The following OR11G2 variants were observed in gnomAD, a reference collection of about 807,000 sequenced individuals.
OR11G2 encodes the protein olfactory receptor family 11 subfamily G member 2.
OR11G2 carries 2 observed loss-of-function variants against 0.9 expected under a neutral mutation model. The observed-to-expected ratio is 2.35, with a 90% CI of 0.96 to 7.38. The LOEUF (loss-of-function observed/expected upper bound fraction) is 7.38. Ranked by LOEUF, OR11G2 falls within the 30% of genes most tolerant of loss-of-function variation. The pLI, the probability that OR11G2 is intolerant of heterozygous loss-of-function variation, is 0.05. For missense variants in OR11G2, 395 were observed against 371.3 expected, an observed-to-expected ratio of 1.06 and a Z score of -0.52; for synonymous variants, 153 against 142.0, an observed-to-expected ratio of 1.08 and a Z score of -0.55.
rs189534616 is a variant in OR11G2 at position 20,195,245 on chromosome 14, T to C, written c.-4-2189T>C. ...GTTACAAATGACCTATAGGGTGTTTTAAAAAATTATGTGGCTGGGCGCAGT... is the reference window on the plus strand; with the variant it reads ...GTTACAAATGACCTATAGGGTGTTTCAAAAAATTATGTGGCTGGGCGCAGT... On this transcript the variant is annotated intron_variant, in intron 1 of 1. Coordinates refer to ENST00000641879, the MANE Select transcript of OR11G2 (RefSeq NM_001386033.1). 2.3e-4 allele frequency among the ~76,000 whole-genome samples: 35 copies of C among 152,268 alleles called. No individual in the cohort carries two copies. In the East Asian group the frequency reaches 6.2e-3, roughly 27 times the overall value.
chr14:20,194,333 A>T (rs1338772681), intron 1 of OR11G2, among the ~76,000 whole-genome samples: 1 of 152,170 alleles, frequency 6.6e-6, no homozygotes, highest in Non-Finnish European at 1.5e-5. Context: ...GAGAAAAGAG[A>T]ATAGCTTGAA....
At chr14:20,193,269 G>A (rs535295833) in intron 1 of OR11G2, among the ~76,000 whole-genome samples, 9 of 152,178 alleles carry the variant, frequency 5.9e-5, no homozygotes, top group South Asian at 2.1e-4. Context: ...CAGGTGGTGC[G>A]TGCCTCCAAG....
chr14:20,193,288 AT>A (rs1382195584), intron 1 of OR11G2, among the ~76,000 whole-genome samples: 1 of 152,054 alleles, frequency 6.6e-6, no homozygotes, highest in African/African-American at 2.4e-5. Context: ...AGCCTGGCTA[AT>A]TTGTGTGTTT....
At chr14:20,197,214 A>T (rs1023698660) in intron 1 of OR11G2, 3 of 646,868 alleles carry the variant, frequency 4.6e-6, no homozygotes, top group Non-Finnish European at 7.8e-6. Context: ...GCCTATGGTA[A>T]AAATGTGAAC....
chr14:20,198,427 T>TA lies in OR11G2; in HGVS notation c.*54_*55insA. The stretch of plus-strand genomic sequence containing the variant: ...TTAATCTTGTCTTTAATTTTGGGGT[T>TA]TAAAAAAAAAACTGGTCTTGGCCAG... On this transcript the variant is annotated 3_prime_UTR_variant, in exon 2 of 2. Coordinates refer to ENST00000641879, the MANE Select transcript of OR11G2 (RefSeq NM_001386033.1). 12 of 1,377,314 alleles carry TA rather than the reference T, an allele frequency of 8.7e-6. No homozygotes were observed. The highest frequency in any genetic ancestry group is 2.3e-4 in the Middle Eastern group (1 of 4,418). The allele number at this position is 1,377,314 out of a possible 1,614,324, so 85.3% of individuals were successfully genotyped here. A position where few individuals can be genotyped will look rare whatever the true frequency, so the allele number is the denominator to read the frequency against.
At chr14:20,193,403 C>T (rs1362972643) in intron 1 of OR11G2, among the ~76,000 whole-genome samples, 1 of 152,108 alleles carries the variant, frequency 6.6e-6, no homozygotes, top group Non-Finnish European at 1.5e-5. Context: ...GTTACAAGTT[C>T]CTCTCTGTTT....
intron 1 of OR11G2, among the ~76,000 whole-genome samples, chr14:20,195,275 C>T (rs1038936223): frequency 6.6e-6 from 1 of 152,190 alleles, no homozygotes; most frequent in African/African-American, 2.4e-5. Context: ...CGCAGTGGCT[C>T]ATGCCTGTAA....
At position 20,193,852 on chromosome 14, in the gene OR11G2, T is replaced by A. The variant is rs550055331; in HGVS notation, c.-5+2186T>A. 2.0e-5 allele frequency among the ~76,000 whole-genome samples: 3 copies of A among 152,332 alleles called. No homozygotes were observed. In the South Asian group the frequency reaches 6.2e-4, roughly 32 times the overall value. ...ATCACAGAGATGGAATCCCTCGGTA[T>A]GGAATTGTTGGCTAGTGTGTGTGTA... On this transcript the variant is annotated intron_variant, in intron 1 of 1. Coordinates refer to ENST00000641879, the MANE Select transcript of OR11G2 (RefSeq NM_001386033.1).
At position 20,200,156 on chromosome 14, in the gene OR11G2, CAAAAAAAA is replaced by C. The variant is rs10684373; in HGVS notation, c.*1795_*1802del. 3.1e-5 allele frequency: 4 copies of C among 128,370 alleles called. No homozygotes were observed. Among genetic ancestry groups the C allele is most frequent in the African/African-American group, 5.8e-5 (2 of 34,710 alleles). 8.0% of individuals were successfully genotyped at this position (128,370 alleles called of 1,614,324 possible). A position where few individuals can be genotyped will look rare whatever the true frequency, so the allele number is the denominator to read the frequency against. ...TTTGCTGAGGATAATGACTTAATTC[CAAAAAAAA>C]AAAAAAAAAAAGTTCCTATCCACCA... On this transcript the variant is annotated 3_prime_UTR_variant, in exon 2 of 2. Coordinates refer to ENST00000641879, the MANE Select transcript of OR11G2 (RefSeq NM_001386033.1).
chr14:20,198,212 G>A lies in OR11G2; in HGVS notation c.775G>A (p.Val259Ile), dbSNP rs2139115572. The change falls in exon 2 of 2, where the codon GTA (valine) becomes ATA (isoleucine). Residue 259 changes from valine to isoleucine, a missense_variant. Coordinates refer to ENST00000641879, the MANE Select transcript of OR11G2 (RefSeq NM_001386033.1). ...TGTGGTTTCACTGTTCTACGGCTCA[G>A]TACTGGTCATGTATGGGAGCCCACC... ...LAVVSLFYGS[V>I]LVMYGSPPSK... The A allele has an allele frequency of 6.8e-6, 11 of 1,614,146 alleles. No individual in the cohort carries two copies. Among genetic ancestry groups the A allele is most frequent in the South Asian group, 1.1e-5 (1 of 91,084 alleles).
At chr14:20,193,689 C>G (rs1879698420) in intron 1 of OR11G2, among the ~76,000 whole-genome samples, 1 of 152,196 alleles carries the variant, frequency 6.6e-6, no homozygotes, top group African/African-American at 2.4e-5. Context: ...TTTATAGCAA[C>G]ATAGGCACAT....
chr14:20,193,104 G>A (rs1220269547), intron 1 of OR11G2, among the ~76,000 whole-genome samples: 3 of 152,030 alleles, frequency 2.0e-5, no homozygotes, highest in Non-Finnish European at 2.9e-5. Flanking sequence ...TGTTTTGTTT[G>A]TTGTTTTGGT....
Position 20,197,895 on chromosome 14 carries a change from G to A in OR11G2, c.458G>A (p.Trp153Ter). Residue 153 changes from tryptophan to a stop codon, truncating the protein, a stop_gained, in exon 2 of 2, where the codon TGG (tryptophan) becomes TAG (stop). Transcript: ENST00000641879. LOFTEE classifies it low-confidence loss of function (END_TRUNC). ...RLCTNLVVNC[W>*]VLGFIWFLIP... is the part of the protein sequence containing the mutation. Reference sequence around the variant, plus strand: ...TGTACCAATCTTGTGGTCAATTGCTGGGTACTTGGTTTCATCTGGTTCTTG... The same window carrying A: ...TGTACCAATCTTGTGGTCAATTGCTAGGTACTTGGTTTCATCTGGTTCTTG... 1 of 1,613,978 alleles carries A rather than the reference G, an allele frequency of 6.2e-7. No homozygotes were observed.
Position 20,198,459 on chromosome 14 carries a change from T to G in OR11G2, c.*86T>G. On this transcript the variant is annotated 3_prime_UTR_variant, in exon 2 of 2. Transcript: ENST00000641879. ...AAAAACTGGTCTTGGCCAGGCGCGG[T>G]GGCTTACGCCTGTAATCCCAGCACT... is the stretch of plus-strand genomic sequence containing the variant. 2 of 990,608 alleles carry G rather than the reference T, an allele frequency of 2.0e-6. No individual in the cohort carries two copies. The highest frequency in any genetic ancestry group is 3.0e-6 in the Non-Finnish European group (2 of 664,736). The allele number at this position is 990,608 out of a possible 1,614,324, so 61.4% of individuals were successfully genotyped here.
intron 1 of OR11G2, among the ~76,000 whole-genome samples, chr14:20,193,075 C>A (rs1879686519): frequency 1.3e-5 from 2 of 152,080 alleles, no homozygotes; most frequent in Admixed American, 1.3e-4. Flanking sequence ...TAGAAGTCCC[C>A]TCTGTTTGTT....
At chr14:20,195,169 A>T (rs959199941) in intron 1 of OR11G2, among the ~76,000 whole-genome samples, 12 of 151,948 alleles carry the variant, frequency 7.9e-5, no homozygotes, top group African/African-American at 2.9e-4. Flanking sequence ...AACTGTGGAG[A>T]CTCTTTTGTC....
chr14:20,194,806 A>C (rs1419119734), intron 1 of OR11G2, among the ~76,000 whole-genome samples: 1 of 152,236 alleles, frequency 6.6e-6, no homozygotes, highest in Non-Finnish European at 1.5e-5. Context: ...TGTGAAGCTA[A>C]GGTAACTTTT....
In OR11G2 at chr14:20,197,913, G is replaced by T. The variant is rs574333467; in HGVS notation, c.476G>T (p.Trp159Leu). Residue 159 changes from tryptophan to leucine, a missense_variant, in exon 2 of 2, where the codon TGG becomes TTG. By Grantham distance (61) the Trp-to-Leu change is moderately conservative. Coordinates refer to ENST00000641879, the MANE Select transcript of OR11G2 (RefSeq NM_001386033.1). ...VVNCWVLGFI[W>L]FLIPIVNISQ... Reference sequence around the variant, plus strand: ...AATTGCTGGGTACTTGGTTTCATCTGGTTCTTGATTCCTATCGTCAACATC... The same window carrying T: ...AATTGCTGGGTACTTGGTTTCATCTTGTTCTTGATTCCTATCGTCAACATC... 7.4e-6 allele frequency: 12 copies of T among 1,614,036 alleles called. No individual in the cohort carries two copies. In the South Asian group the frequency reaches 1.1e-4, roughly 15 times the overall value.
Position 20,197,592 on chromosome 14 carries a change from C to T in OR11G2, c.155C>T (p.Ala52Val), listed in dbSNP as rs774386316. The change falls in exon 2 of 2, where the codon GCT (alanine) becomes GTT (valine). Residue 52 changes from alanine to valine, a missense_variant. Ala to Val is a moderately conservative substitution (Grantham distance 64). Coordinates refer to ENST00000641879, the MANE Select transcript of OR11G2 (RefSeq NM_001386033.1). ...TLMGNGSIIC[A>V]VHWDQRLHAP... ...ATGGGCAATGGTTCCATCATCTGTGCTGTGCACTGGGATCAGAGACTCCAC... is the reference window on the plus strand; with the variant it reads ...ATGGGCAATGGTTCCATCATCTGTGTTGTGCACTGGGATCAGAGACTCCAC... 4 of 1,614,188 alleles carry T rather than the reference C, an allele frequency of 2.5e-6. No homozygotes were observed. Among genetic ancestry groups the T allele is most frequent in the Non-Finnish European group, 3.4e-6 (4 of 1,180,026 alleles).
Sources: allele counts gnomAD v4.1 joint callset (sites outside exome capture counted in the v4.1 genomes callset), GRCh38; gene constraint gnomAD v4.1.1; transcripts MANE v1.5; gene names NCBI Gene and HGNC (gene_info 2026-07-23, HGNC 2026-07-21).